The following PLEKHO1 variants were observed in gnomAD, a reference collection of about 807,000 sequenced individuals.
PLEKHO1 encodes the protein pleckstrin homology domain containing O1, also known as pleckstrin homology domain-containing family O member 1.
PLEKHO1 carries 22 observed loss-of-function variants against 41.4 expected under a neutral mutation model. The observed-to-expected ratio is 0.53, with a 90% CI of 0.38 to 0.76. The LOEUF (loss-of-function observed/expected upper bound fraction) is 0.76. Ranked by LOEUF, PLEKHO1 falls within the 30% of genes least tolerant of loss-of-function variation. The pLI, the probability that PLEKHO1 is intolerant of heterozygous loss-of-function variation, is 0.00. For synonymous variants in PLEKHO1, 225 were observed against 210.8 expected, an observed-to-expected ratio of 1.07 and a Z score of -0.58; for missense variants, 488 against 518.3, an observed-to-expected ratio of 0.94 and a Z score of 0.57.
At chr1:150,151,800 C>G (rs1278200245) in intron 2 of PLEKHO1, among the ~76,000 whole-genome samples, 1 of 152,200 alleles carries the variant, frequency 6.6e-6, no homozygotes, top group Admixed American at 6.5e-5. Context: ...GTGTCAAGAC[C>G]TGAGCTATGA....
At position 150,158,866 on chromosome 1, in the gene PLEKHO1, A is replaced by G. The variant is rs143700743; in HGVS notation, c.573A>G (p.Gln191=). ...SDGMLTLDLI[Q]EEDPSPEEPT... ...GGATGCTGACCTTGGACTTGATCCAAGAGGAAGACCCTTCCCCTGAGGAAC... is the reference window on the plus strand; with the variant it reads ...GGATGCTGACCTTGGACTTGATCCAGGAGGAAGACCCTTCCCCTGAGGAAC... The change falls in exon 6 of 6, where the codon CAA becomes CAG. Residue 191 remains glutamine (Q), a synonymous_variant. Coordinates refer to ENST00000369124, the MANE Select transcript of PLEKHO1 (RefSeq NM_016274.6). The G allele has an allele frequency of 6.2e-7, 1 of 1,613,284 alleles. No homozygotes were observed. Among genetic ancestry groups the G allele is most frequent in the African/African-American group, 1.3e-5 (1 of 74,878 alleles).
chr1:150,150,887 C>G, intron 1 of PLEKHO1, 25 bp from the exon 2 acceptor site: 3 of 1,610,312 alleles, frequency 1.9e-6, no homozygotes, highest in Non-Finnish European at 2.5e-6. Context: ...CCTAACCGCC[C>G]GCTTCTCATC....
rs1659903354 is a variant in PLEKHO1 at position 150,151,038 on chromosome 1, C to T, written c.157C>T (p.Leu53Phe). ...NRYVVLKGDQLYISEKEVKDE... is the reference protein window; with the variant it reads ...NRYVVLKGDQFYISEKEVKDE... ...CTATGTGGTGCTGAAAGGGGACCAG[C>T]TCTACATCTCTGAGAAGGAGGTGGG... The change falls in exon 2 of 6, where the codon CTC becomes TTC. Residue 53 changes from leucine (L) to phenylalanine (F), a missense_variant. By Grantham distance (22) the Leu-to-Phe change is conservative. Transcript: ENST00000369124. 2 of 1,614,168 alleles carry T rather than the reference C, an allele frequency of 1.2e-6. No individual in the cohort carries two copies. The highest frequency in any genetic ancestry group is 1.7e-6 in the Non-Finnish European group (2 of 1,180,004).
In PLEKHO1 at chr1:150,158,896, C is replaced by T; in HGVS notation, c.603C>T (p.Thr201=). 6.2e-7 allele frequency: 1 copy of T among 1,614,198 alleles called. No homozygotes were observed. Residue 201 remains threonine (T), a synonymous_variant, in exon 6 of 6, where the codon ACC becomes ACT. Transcript: ENST00000369124. ...AAGACCCTTCCCCTGAGGAACCAAC[C>T]TCTTGTGCTGAGAGCTTTCGGGTTG... ...QEEDPSPEEP[T]SCAESFRVDL...
At chr1:150,151,843 C>G (rs587749933) in intron 2 of PLEKHO1, among the ~76,000 whole-genome samples, 1 of 152,160 alleles carries the variant, frequency 6.6e-6, no homozygotes, top group East Asian at 1.9e-4. Flanking sequence ...CCTTTTTTCC[C>G]TAAGTCTTGG....
At chr1:150,155,541 C>T (rs192179710) in intron 2 of PLEKHO1, 15 of 152,230 alleles carry the variant, frequency 9.9e-5, no homozygotes, top group Non-Finnish European at 1.8e-4. Context: ...GAGAAGGAAG[C>T]GAGGTGGGGT....
At position 150,159,318 on chromosome 1, in the gene PLEKHO1, C is replaced by G; in HGVS notation, c.1025C>G (p.Ser342Cys). The G allele has an allele frequency of 1.9e-6, 3 of 1,614,182 alleles. No homozygotes were observed. The highest frequency in any genetic ancestry group is 2.5e-6 in the Non-Finnish European group (3 of 1,180,032). Residue 342 changes from serine (S) to cysteine (C), a missense_variant, in exon 6 of 6, where the codon TCT (serine) becomes TGT (cysteine). Ser to Cys is a moderately radical substitution (Grantham distance 112). Around this residue, in one of 3 missense-constraint regions of PLEKHO1, gnomAD observed 337 missense variants for 324.6 expected, o/e 1.04. Coordinates refer to ENST00000369124, the MANE Select transcript of PLEKHO1 (RefSeq NM_016274.6). ...CGAAAGGCCAAGGACCCCCCTCGGT[C>G]TCCGCCGGATTCTGAGTCAGAGCAG... The part of the protein sequence containing the change: ...GKRKAKDPPR[S>C]PPDSESEQLL...
At chr1:150,158,531 C>A (rs1460419868) in intron 5 of PLEKHO1, among the ~76,000 whole-genome samples, 6 of 148,878 alleles carry the variant, frequency 4.0e-5, no homozygotes, top group South Asian at 2.2e-4. Flanking sequence ...GCTAAAAATA[C>A]AAAAAAAAAG....
rs1307755838 is a variant in PLEKHO1, at chr1:150,152,994, CA to C, written c.177+1937del. On this transcript the variant is annotated intron_variant, in intron 2 of 5. Transcript: ENST00000369124. ...TATGAGTCAGGACCATCTGACTGGT[CA>C]TGGAGCCAGCTGTCTCCTGCTGGGA... 41 of 152,316 alleles carry C rather than the reference CA, an allele frequency of 2.7e-4. 2 individuals carry two copies. Among genetic ancestry groups the C allele is most frequent in the Admixed American group, 2.5e-3 (38 of 15,290 alleles). 9.4% of individuals were successfully genotyped at this position (152,316 alleles called of 1,614,324 possible).
At position 150,159,542 on chromosome 1, in the gene PLEKHO1, A is replaced by T. The variant is rs782708052; in HGVS notation, c.*19A>T. On this transcript the variant is annotated 3_prime_UTR_variant, in exon 6 of 6. Transcript: ENST00000369124. ...GATGTGAGGGCAGGGTGGGGTCTGG[A>T]ACTTGTCGGGTTGGACAGACTCTTA... 6.6e-7 allele frequency: 1 copy of T among 1,518,954 alleles called. No individual in the cohort carries two copies. The highest frequency in any genetic ancestry group is 1.2e-5 in the South Asian group (1 of 84,348). 94.1% of individuals were successfully genotyped at this position (1,518,954 alleles called of 1,614,324 possible).
At position 150,159,578 on chromosome 1, in the gene PLEKHO1, G is replaced by T; in HGVS notation, c.*55G>T. 1 of 1,157,486 alleles carries T rather than the reference G, an allele frequency of 8.6e-7. No homozygotes were observed. The highest frequency in any genetic ancestry group is 1.2e-6 in the Non-Finnish European group (1 of 826,420). The allele number at this position is 1,157,486 out of a possible 1,614,324, so 71.7% of individuals were successfully genotyped here. On this transcript the variant is annotated 3_prime_UTR_variant, in exon 6 of 6. Coordinates refer to ENST00000369124, the MANE Select transcript of PLEKHO1 (RefSeq NM_016274.6). Reference sequence around the variant, plus strand: ...TTGGACAGACTCTTATCTCCGTGTTGCTGGATAAAGCTTTTTTATTTACCT... The same window carrying T: ...TTGGACAGACTCTTATCTCCGTGTTTCTGGATAAAGCTTTTTTATTTACCT...
intron 5 of PLEKHO1, among the ~76,000 whole-genome samples, chr1:150,158,321 A>G (rs1660262252): frequency 6.6e-6 from 1 of 152,190 alleles, no homozygotes; most frequent in African/African-American, 2.4e-5. Flanking sequence ...ACTAAATCAC[A>G]GAAGAAGAAA....
At chr1:150,150,471 G>C (rs1411986566) in intron 1 of PLEKHO1, 184 bp downstream of exon 1, 2 of 173,732 alleles carry the variant, frequency 1.2e-5, no homozygotes, top group African/African-American at 4.8e-5. Context: ...ACTCGCCTCG[G>C]GGGGCTTCAA....
intron 3 of PLEKHO1, 83 bp from the exon 4 acceptor site, chr1:150,156,828 G>C: frequency 1.2e-6 from 1 of 837,754 alleles, no homozygotes; most frequent in East Asian, 2.5e-5. Flanking sequence ...AAGAAAGTGA[G>C]ATTATAATCT....
rs924538798 is a variant in PLEKHO1, at chr1:150,160,058, C to G, written c.*535C>G. 1 of 152,564 alleles carries G rather than the reference C, an allele frequency of 6.6e-6. No homozygotes were observed. Among genetic ancestry groups the G allele is most frequent in the Non-Finnish European group, 1.5e-5 (1 of 68,304 alleles). The allele number at this position is 152,564 out of a possible 1,614,324, so 9.5% of individuals were successfully genotyped here. On this transcript the variant is annotated 3_prime_UTR_variant, in exon 6 of 6. Coordinates refer to ENST00000369124, the MANE Select transcript of PLEKHO1 (RefSeq NM_016274.6). ...AGGATTTGTGGAATTAAAATCTCCCCAGCCAGACACTGGCTTCTCATTCCT... is the reference window on the plus strand; with the variant it reads ...AGGATTTGTGGAATTAAAATCTCCCGAGCCAGACACTGGCTTCTCATTCCT...
rs1263462985 is a variant in PLEKHO1 at position 150,159,313 on chromosome 1, T to C, written c.1020T>C (p.Pro340=). The change falls in exon 6 of 6, where the codon CCT becomes CCC. Residue 340 remains proline, a synonymous_variant. Transcript: ENST00000369124. ...GDGKRKAKDP[P]RSPPDSESEQ... ...GGAAGCGAAAGGCCAAGGACCCCCC[T>C]CGGTCTCCGCCGGATTCTGAGTCAG... The C allele has an allele frequency of 1.2e-6, 2 of 1,613,954 alleles. No homozygotes were observed.
chr1:150,155,482 T>C (rs587642356), intron 2 of PLEKHO1: 2 of 152,432 alleles, frequency 1.3e-5, no homozygotes, highest in South Asian at 4.1e-4. Flanking sequence ...GTGGTGGCGA[T>C]GCTCCTGAAA....
At chr1:150,152,688 T>TAAAAAAAAAAAAAAAA (rs1407877862) in intron 2 of PLEKHO1, 1 of 74,024 alleles carries the variant, frequency 1.4e-5, no homozygotes, top group Non-Finnish European at 2.5e-5. Context: ...CTTTCTAAAT[T>TAAAAAAAAAAAAAAAA]AAAAAAAAAA....
Position 150,150,236 on chromosome 1 carries a change from C to T in PLEKHO1, c.-22C>T, listed in dbSNP as rs782122632. ...GCGGGGCCGCCCCTCGGCTCGCCGC[C>T]CCGCGCCCGCGCCCGCTGGGAATGA... On this transcript the variant is annotated 5_prime_UTR_variant, in exon 1 of 6. Coordinates refer to ENST00000369124, the MANE Select transcript of PLEKHO1 (RefSeq NM_016274.6). 5.3e-5 allele frequency: 56 copies of T among 1,061,054 alleles called. No individual in the cohort carries two copies. The South Asian group carries it at 1.6e-3, about 30-fold the overall frequency. The allele number at this position is 1,061,054 out of a possible 1,614,324, so 65.7% of individuals were successfully genotyped here.
Sources: allele counts gnomAD v4.1 joint callset (sites outside exome capture counted in the v4.1 genomes callset), GRCh38; gene constraint gnomAD v4.1.1; regional missense constraint gnomAD v4.1.1; transcripts MANE v1.5; gene names NCBI Gene and HGNC (gene_info 2026-07-23, HGNC 2026-07-21).